MAGI2: variants seen among roughly 807,000 people sequenced by gnomAD.
The protein encoded by MAGI2 is membrane-associated guanylate kinase, WW and PDZ domain-containing protein 2.
A neutral mutation model predicts 133.3 loss-of-function variants in MAGI2; 35 were observed. The ratio of observed to expected loss-of-function variants is 0.26; its 90% confidence interval spans 0.20 to 0.35. MAGI2 has a LOEUF of 0.35. Ranked by LOEUF, MAGI2 falls within the 10% of genes least tolerant of loss-of-function variation. MAGI2 has a pLI of 1.00. For missense variants in MAGI2, 1,636 were observed against 1,863.4 expected (o/e 0.88, Z 2.25); for synonymous variants, 729 against 710.6 (o/e 1.03, Z -0.41).
At chr7:79,196,946 T>TTATA (rs566220274) in intron 1 of MAGI2, among the ~76,000 whole-genome samples, 1 of 151,624 alleles carries the variant, frequency 6.6e-6, no homozygotes, top group East Asian at 1.9e-4. Context: ...TTTTGATTTT[T>TTATA]TATATATATA....
At chr7:79,125,657 C>T in intron 1 of MAGI2, 1 of 529,444 alleles carries the variant, frequency 1.9e-6, no homozygotes, top group Non-Finnish European at 3.7e-6. Flanking sequence ...GAAATTACAA[C>T]AATCAATCTT....
intron 2 of MAGI2, among the ~76,000 whole-genome samples, chr7:78,736,531 A>G (rs1446092932): frequency 1.3e-5 from 2 of 152,210 alleles, no homozygotes; most frequent in African/African-American, 4.8e-5. Context: ...TAACCCTAGA[A>G]TAGATGTTCT....
intron 21 of MAGI2, among the ~76,000 whole-genome samples, chr7:78,061,409 TACAC>T (rs59531463): frequency 0.4 from 55,920 of 139,432 alleles, 11,261 homozygotes; most frequent in East Asian, 0.49. Flanking sequence ...GGACTGGTTG[TACAC>T]ACACACACAC....
chr7:78,568,566 TTC>T (rs1308856679), intron 3 of MAGI2, among the ~76,000 whole-genome samples: 2 of 152,168 alleles, frequency 1.3e-5, no homozygotes, highest in Non-Finnish European at 2.9e-5. Context: ...TTATTAGTAA[TTC>T]TGTCATTGTA....
intron 2 of MAGI2, among the ~76,000 whole-genome samples, chr7:78,696,133 T>C (rs189258497): frequency 5.9e-4 from 89 of 152,128 alleles, no homozygotes; most frequent in Non-Finnish European, 9.4e-4. Flanking sequence ...AGAAAGAGGG[T>C]CTTGCCATCT....
chr7:78,250,344 G>A (rs1792259488), intron 10 of MAGI2, among the ~76,000 whole-genome samples: 1 of 152,034 alleles, frequency 6.6e-6, no homozygotes, highest in Non-Finnish European at 1.5e-5. Context: ...CTTAGACGGA[G>A]TGAAAAAGGG....
intron 1 of MAGI2, among the ~76,000 whole-genome samples, chr7:79,040,350 A>G (rs1811541981): frequency 6.6e-6 from 1 of 151,966 alleles, no homozygotes; most frequent in South Asian, 2.1e-4. Flanking sequence ...ATAATTGTAT[A>G]AATTACCCAG....
intron 21 of MAGI2, among the ~76,000 whole-genome samples, chr7:78,036,114 G>A (rs1810190945): frequency 6.6e-6 from 1 of 151,902 alleles, no homozygotes; most frequent in Non-Finnish European, 1.5e-5. Flanking sequence ...AGCAACCTGA[G>A]GTGGATTACC....
intron 10 of MAGI2, among the ~76,000 whole-genome samples, chr7:78,219,633 C>T (rs545676633): frequency 6.6e-6 from 1 of 152,318 alleles, no homozygotes; most frequent in Non-Finnish European, 1.5e-5. Context: ...CCCACAGACT[C>T]ACATCCAATA....
chr7:79,147,082 T>G (rs1294468807), intron 1 of MAGI2, among the ~76,000 whole-genome samples: 1 of 152,246 alleles, frequency 6.6e-6, no homozygotes, highest in East Asian at 1.9e-4. Flanking sequence ...GGTGCTCATT[T>G]GAACTGTCTA....
At chr7:78,754,854 C>A (rs1823795162) in intron 2 of MAGI2, among the ~76,000 whole-genome samples, 1 of 152,160 alleles carries the variant, frequency 6.6e-6, no homozygotes, top group Admixed American at 6.5e-5. Flanking sequence ...TAAAAGACAC[C>A]AGAGAATGAA....
chr7:78,346,103 T>C (rs1201492347), intron 7 of MAGI2, 60 bp from the exon 8 acceptor site: 4 of 1,594,106 alleles, frequency 2.5e-6, no homozygotes, highest in East Asian at 2.2e-5. Context: ...AAAGACCATA[T>C]GTATGGCTCT....
At chr7:78,478,287 G>C (rs529451641) in intron 6 of MAGI2, among the ~76,000 whole-genome samples, 1 of 151,930 alleles carries the variant, frequency 6.6e-6, no homozygotes, top group South Asian at 2.1e-4. Flanking sequence ...CTCATCTAAA[G>C]GAAAAATATT....
At chr7:79,153,046 A>T (rs1169306568) in intron 1 of MAGI2, among the ~76,000 whole-genome samples, 1 of 152,222 alleles carries the variant, frequency 6.6e-6, no homozygotes, top group African/African-American at 2.4e-5. Flanking sequence ...CAAATATAGT[A>T]TCACTTATTC....
At chr7:78,382,791 T>C (rs916119808) in intron 6 of MAGI2, among the ~76,000 whole-genome samples, 14 of 152,026 alleles carry the variant, frequency 9.2e-5, no homozygotes, top group Non-Finnish European at 1.9e-4. Context: ...GTCTTTTATC[T>C]CTCTTTCCAT....
chr7:79,266,821 C>G lies in MAGI2; in HGVS notation c.301+186199G>C, dbSNP rs557891637. Among the ~76,000 whole-genome samples the G allele has an allele frequency of 3.8e-4, 58 of 152,256 alleles. 1 individual carries two copies. Among genetic ancestry groups the G allele is most frequent in the Admixed American group, 2.9e-3 (45 of 15,286 alleles). On this transcript the variant is annotated intron_variant, in intron 1 of 21. Transcript: ENST00000354212. The stretch of plus-strand genomic sequence containing the variant: ...TCTTAGGAACCTGACAGACACCCCC[C>G]CAAAGCAAGCCAGAGTCAAACAATG...
chr7:79,234,563 C>A (rs961669119), intron 1 of MAGI2, among the ~76,000 whole-genome samples: 2 of 152,088 alleles, frequency 1.3e-5, no homozygotes, highest in African/African-American at 4.8e-5. Context: ...ATTGCTGACA[C>A]CCTTTCTTCC....
Position 78,632,955 on chromosome 7 carries a change from G to A in MAGI2, c.419-5716C>T, listed in dbSNP as rs573058888. 2.0e-5 allele frequency among the ~76,000 whole-genome samples: 3 copies of A among 152,308 alleles called. No individual in the cohort carries two copies. The East Asian group carries it at 5.8e-4, about 29-fold the overall frequency. On this transcript the variant is annotated intron_variant, in intron 2 of 21. Coordinates refer to ENST00000354212, the MANE Select transcript of MAGI2 (RefSeq NM_012301.4). ...AGACACGTGCACACGAATGTTCACT[G>A]CAGCAGTATTCACAATAACAAAGAC... is the stretch of plus-strand genomic sequence containing the variant.
chr7:78,727,445 C>G (rs781225196), intron 2 of MAGI2, among the ~76,000 whole-genome samples: 32 of 152,156 alleles, frequency 2.1e-4, no homozygotes, highest in Non-Finnish European at 4.6e-4. Context: ...GATCCTATTC[C>G]TTAGAGTTTG....
Sources: gnomAD v4.1 joint callset for allele counts (sites outside exome capture counted in the v4.1 genomes callset) on GRCh38, gnomAD v4.1.1 for gene constraint, MANE v1.5 for transcripts, NCBI Gene and HGNC (gene_info 2026-07-23, HGNC 2026-07-21) for gene names.